Variants in LOC128125817 observed in about 807,000 individuals in gnomAD.
the LOC128125817 span, among the ~76,000 whole-genome samples, chr1:41,621,532 C>T: frequency 9.2e-5 from 14 of 152,270 alleles, no homozygotes; most frequent in Middle Eastern, 3.4e-3. Flanking sequence ...TTTTGTTTTT[C>T]GAGACAGGGT....
the LOC128125817 span, among the ~76,000 whole-genome samples, chr1:41,597,194 G>A: frequency 2.0e-5 from 3 of 152,132 alleles, no homozygotes; most frequent in African/African-American, 7.2e-5. Flanking sequence ...AGTTAGACCC[G>A]GCTGGTATTT....
At chr1:41,598,785 C>T in the LOC128125817 span, among the ~76,000 whole-genome samples, 1 of 146,190 alleles carries the variant, frequency 6.8e-6, no homozygotes, top group Non-Finnish European at 1.5e-5. Context: ...AAACATACTC[C>T]CACACATACA....
chr1:41,626,459 G>A, the LOC128125817 span, among the ~76,000 whole-genome samples: 1 of 152,198 alleles, frequency 6.6e-6, no homozygotes, highest in African/African-American at 2.4e-5. Context: ...CAAGCAGCTG[G>A]CTGAGCCCAC....
the LOC128125817 span, among the ~76,000 whole-genome samples, chr1:41,613,433 G>A: frequency 6.6e-6 from 1 of 152,224 alleles, no homozygotes; most frequent in Non-Finnish European, 1.5e-5. Flanking sequence ...AGCAGGGGCT[G>A]TATTTTAAAC....
At chr1:41,616,681 G>A in the LOC128125817 span, among the ~76,000 whole-genome samples, 1 of 134,004 alleles carries the variant, frequency 7.5e-6, no homozygotes, top group Non-Finnish European at 1.5e-5. Flanking sequence ...TCAAATTCCT[G>A]GCCTCAAATG....
At chr1:41,621,581 C>A in the LOC128125817 span, among the ~76,000 whole-genome samples, 1 of 152,236 alleles carries the variant, frequency 6.6e-6, no homozygotes, top group Admixed American at 6.5e-5. Flanking sequence ...GTGGTATAAT[C>A]ACAGCTCACT....
At chr1:41,601,838 T>C in the LOC128125817 span, among the ~76,000 whole-genome samples, 1 of 152,170 alleles carries the variant, frequency 6.6e-6, no homozygotes, top group African/African-American at 2.4e-5. Context: ...AGAAAAAACT[T>C]TTCCGTTTTT....
At chr1:41,604,058 C>T in the LOC128125817 span, among the ~76,000 whole-genome samples, 1 of 152,232 alleles carries the variant, frequency 6.6e-6, no homozygotes, top group Non-Finnish European at 1.5e-5. Flanking sequence ...TGTGGTACAA[C>T]TGGAACTCTT....
the LOC128125817 span, among the ~76,000 whole-genome samples, chr1:41,614,593 T>A: frequency 6.6e-6 from 1 of 152,228 alleles, no homozygotes; most frequent in Admixed American, 6.5e-5. Context: ...CTTTTTGCAA[T>A]TTTAACTTGA....
At chr1:41,613,948 A>G in the LOC128125817 span, among the ~76,000 whole-genome samples, 2 of 152,230 alleles carry the variant, frequency 1.3e-5, no homozygotes, top group Non-Finnish European at 2.9e-5. Context: ...TTCACTTAGC[A>G]TAACGTTTTT....
At chr1:41,623,662 T>C in the LOC128125817 span, among the ~76,000 whole-genome samples, 1 of 152,178 alleles carries the variant, frequency 6.6e-6, no homozygotes. Flanking sequence ...CCTGGGTCTG[T>C]GGGCTTTGCC....
the LOC128125817 span, among the ~76,000 whole-genome samples, chr1:41,588,012 G>A: frequency 4.6e-5 from 7 of 152,178 alleles, no homozygotes; most frequent in Admixed American, 2.6e-4. Flanking sequence ...TGCAGCTGCT[G>A]GACAGAAGAA....
chr1:41,595,108 T>C, the LOC128125817 span, among the ~76,000 whole-genome samples: 399 of 152,290 alleles, frequency 2.6e-3, 2 homozygotes, highest in Middle Eastern at 0.014. Flanking sequence ...TTTTGCTAAT[T>C]CCCCATGTGA....
At chr1:41,625,387 T>C in the LOC128125817 span, among the ~76,000 whole-genome samples, 8 of 152,098 alleles carry the variant, frequency 5.3e-5, no homozygotes, top group African/African-American at 1.7e-4. Flanking sequence ...AGATAATGCA[T>C]TTAAAAAACG....
the LOC128125817 span, among the ~76,000 whole-genome samples, chr1:41,590,164 A>G: frequency 3.3e-5 from 5 of 152,258 alleles, no homozygotes; most frequent in Non-Finnish European, 4.4e-5. Context: ...AGATATAAGC[A>G]TATGGGTCTG....
At chr1:41,614,008 C>T in the LOC128125817 span, among the ~76,000 whole-genome samples, 99 of 152,304 alleles carry the variant, frequency 6.5e-4, 1 homozygote, top group African/African-American at 2.3e-3. Flanking sequence ...CTCACAGCAC[C>T]CTGACGCCCA....
At chr1:41,600,262 T>C in the LOC128125817 span, among the ~76,000 whole-genome samples, 1 of 152,226 alleles carries the variant, frequency 6.6e-6, no homozygotes, top group Non-Finnish European at 1.5e-5. Flanking sequence ...GAGATATGTG[T>C]ACATCTATGT....
the LOC128125817 span, among the ~76,000 whole-genome samples, chr1:41,604,450 T>C: frequency 1.2e-4 from 19 of 152,356 alleles, no homozygotes; most frequent in East Asian, 3.3e-3. Context: ...ATGATGTGAA[T>C]GTGGAAACTC....
At chr1:41,610,312 T>G in the LOC128125817 span, among the ~76,000 whole-genome samples, 1 of 152,244 alleles carries the variant, frequency 6.6e-6, no homozygotes, top group Non-Finnish European at 1.5e-5. Flanking sequence ...GACACTTTGC[T>G]GCTATCACAT....
Sources: gnomAD v4.1 joint callset for allele counts (sites outside exome capture counted in the v4.1 genomes callset) on GRCh38, gnomAD v4.1.1 for gene constraint, MANE v1.5 for transcripts.